IMMT: variants seen among roughly 807,000 people sequenced by gnomAD.
IMMT encodes the protein MICOS complex subunit MIC60.
In IMMT, 40 loss-of-function variants were observed where a neutral mutation model predicts 92.7. That is an observed-to-expected ratio of 0.43 (90% CI 0.34 to 0.56). The LOEUF (loss-of-function observed/expected upper bound fraction) is 0.56. Ranked by LOEUF, IMMT falls within the 20% of genes least tolerant of loss-of-function variation. The pLI is 0.03. For missense variants in IMMT, 831 were observed against 912.1 expected (o/e 0.91, Z 1.14); for synonymous variants, 322 against 336.1 (o/e 0.96, Z 0.46).
At chr2:86,149,706 C>T (rs1028881190) in intron 12 of IMMT, among the ~76,000 whole-genome samples, 3 of 151,908 alleles carry the variant, frequency 2.0e-5, no homozygotes, top group Admixed American at 6.6e-5. Flanking sequence ...GGCAAAACCC[C>T]GTCTCTACTA....
chr2:86,191,248 G>A lies in IMMT; in HGVS notation c.45+4090C>T, dbSNP rs374920939. Among the ~76,000 whole-genome samples the A allele has an allele frequency of 1.3e-4, 20 of 151,830 alleles. No individual in the cohort carries two copies. In the East Asian group the frequency reaches 2.7e-3, roughly 21 times the overall value. On this transcript the variant is annotated intron_variant, in intron 1 of 14. Transcript: ENST00000410111. ...CAGTCCTAGCTACTCAGGAGGCTGA[G>A]GTGGGAGGATGGCTTGAGTCTGGTG...
rs1455588160 is a variant in IMMT, at chr2:86,195,385, CG to C, written c.-4del. On this transcript the variant is annotated 5_prime_UTR_variant, in exon 1 of 15. Transcript: ENST00000410111. ...GATAACTGACAGGCCCGCAGCATCT[CG>C]GTCAAGCGGACGGCGCTGCTGGTGG... 6.5e-6 allele frequency: 10 copies of C among 1,548,560 alleles called. No individual in the cohort carries two copies. The highest frequency in any genetic ancestry group is 1.4e-5 in the African/African-American group (1 of 72,730).
intron 7 of IMMT, among the ~76,000 whole-genome samples, chr2:86,163,851 C>T (rs754682499): frequency 2.7e-5 from 4 of 149,588 alleles, no homozygotes; most frequent in Non-Finnish European, 5.9e-5. Flanking sequence ...CCCAGCTACT[C>T]TGGAGGCTGA....
intron 14 of IMMT, among the ~76,000 whole-genome samples, chr2:86,145,132 A>G (rs1256585562): frequency 1.3e-5 from 2 of 152,132 alleles, no homozygotes; most frequent in Non-Finnish European, 2.9e-5. Context: ...CTAGTTGAGA[A>G]AGAAACATAT....
At chr2:86,148,623 AG>A in intron 12 of IMMT, among the ~76,000 whole-genome samples, 1 of 152,318 alleles carries the variant, frequency 6.6e-6, no homozygotes, top group Middle Eastern at 3.4e-3. Context: ...AAAAGAAAAA[AG>A]AAAAGAAAAT....
At chr2:86,160,246 C>T (rs1676173806) in intron 8 of IMMT, among the ~76,000 whole-genome samples, 1 of 152,212 alleles carries the variant, frequency 6.6e-6, no homozygotes. Flanking sequence ...TCATTTCCTA[C>T]ATGCTTTCGT....
At chr2:86,185,160 A>G (rs1244114967) in intron 1 of IMMT, among the ~76,000 whole-genome samples, 1 of 151,474 alleles carries the variant, frequency 6.6e-6, no homozygotes, top group African/African-American at 2.4e-5. Flanking sequence ...ACAGAGCCAG[A>G]CTCTGTCTTA....
Position 86,194,341 on chromosome 2 carries a change from T to C in IMMT, c.45+997A>G, listed in dbSNP as rs1473311597. On this transcript the variant is annotated intron_variant, in intron 1 of 14. Coordinates refer to ENST00000410111, the MANE Select transcript of IMMT (RefSeq NM_006839.3). The stretch of plus-strand genomic sequence containing the variant: ...TGGGTGTTGTTTTAAGCTGCTAAAT[T>C]TGTGGTATTTGTTACGCAGCAATAG... 2.6e-5 allele frequency among the ~76,000 whole-genome samples: 4 copies of C among 152,218 alleles called. No individual in the cohort carries two copies. In the East Asian group the frequency reaches 7.7e-4, roughly 29 times the overall value.
chr2:86,166,756 A>G, intron 6 of IMMT, 112 bp from the exon 7 acceptor site: 2 of 1,069,120 alleles, frequency 1.9e-6, no homozygotes, highest in Non-Finnish European at 2.6e-6. Context: ...AAATTTAAAA[A>G]GGAACAAAAT....
chr2:86,179,698 T>C (rs1247391921), intron 2 of IMMT, 76 bp from the exon 3 acceptor site: 1 of 1,244,026 alleles, frequency 8.0e-7, no homozygotes, highest in Admixed American at 3.0e-5. Context: ...AATGTAACCA[T>C]CTCGAAGACC....
At chr2:86,161,375 T>C (rs896040252) in intron 8 of IMMT, among the ~76,000 whole-genome samples, 3 of 151,846 alleles carry the variant, frequency 2.0e-5, no homozygotes, top group African/African-American at 7.3e-5. Context: ...TTGGCCAGGA[T>C]GGCTCAAACT....
rs1175762162 is a variant in IMMT at position 86,153,590 on chromosome 2, T to C, written c.1163-16A>G. On this transcript the variant is annotated splice_polypyrimidine_tract_variant and intron_variant, in intron 10 of 14. Transcript: ENST00000410111. ...TCTGAAACACCTACAAAGGAAAAAA[T>C]AGAACAGTTTGAAAAAAAAGAATGC... The C allele has an allele frequency of 1.4e-6, 2 of 1,437,898 alleles. No individual in the cohort carries two copies. The highest frequency in any genetic ancestry group is 2.5e-5 in the Admixed American group (1 of 40,268). 89.1% of individuals were successfully genotyped at this position (1,437,898 alleles called of 1,614,324 possible).
chr2:86,173,279 G>C (rs1677222515), intron 4 of IMMT, among the ~76,000 whole-genome samples: 2 of 152,172 alleles, frequency 1.3e-5, no homozygotes, highest in African/African-American at 4.8e-5. Flanking sequence ...AAAGAAGAGA[G>C]GATAAAGAAT....
chr2:86,148,878 A>G (rs1243609821), intron 12 of IMMT, among the ~76,000 whole-genome samples: 9 of 63,474 alleles, frequency 1.4e-4, no homozygotes, highest in Non-Finnish European at 5.1e-4. Context: ...GTGCATAAGT[A>G]TTTATGAAGT....
At chr2:86,183,578 AAAT>A (rs1672568408) in intron 1 of IMMT, among the ~76,000 whole-genome samples, 2 of 152,310 alleles carry the variant, frequency 1.3e-5, no homozygotes, top group East Asian at 1.9e-4. Context: ...CTGAGGTTTT[AAAT>A]AATAATTTTA....
In IMMT at chr2:86,153,583, G is replaced by GA; in HGVS notation, c.1163-10dup. 6.9e-7 allele frequency: 1 copy of GA among 1,446,248 alleles called. No homozygotes were observed. Among genetic ancestry groups the GA allele is most frequent in the Non-Finnish European group, 9.3e-7 (1 of 1,070,410 alleles). 89.6% of individuals were successfully genotyped at this position (1,446,248 alleles called of 1,614,324 possible). A position where few individuals can be genotyped will look rare whatever the true frequency, so the allele number is the denominator to read the frequency against. The stretch of plus-strand genomic sequence containing the variant: ...ACCTAAGTCTGAAACACCTACAAAG[G>GA]AAAAAATAGAACAGTTTGAAAAAAA... On this transcript the variant is annotated splice_polypyrimidine_tract_variant and intron_variant, in intron 10 of 14. Transcript: ENST00000410111.
Position 86,144,783 on chromosome 2 carries a change from G to T in IMMT, c.1762C>A (p.Pro588Thr), listed in dbSNP as rs749253220. ...ACTGCACTACCCAGCGGGATAGTAG[G>T]TGTTTCTGCAGATGAGGTCTTCATG... Reference protein sequence around the residue: ...YSMKTSSAETPTIPLGSAVEA... With the variant: ...YSMKTSSAETTTIPLGSAVEA... The change falls in exon 15 of 15, where the codon CCT (proline) becomes ACT (threonine). Residue 588 changes from proline (P) to threonine (T), a missense_variant. Physicochemically the swap from Pro to Thr is conservative, Grantham distance 38. Coordinates refer to ENST00000410111, the MANE Select transcript of IMMT (RefSeq NM_006839.3). 6.2e-7 allele frequency: 1 copy of T among 1,613,396 alleles called. No individual in the cohort carries two copies. The highest frequency in any genetic ancestry group is 1.7e-5 in the Admixed American group (1 of 60,030).
chr2:86,144,317 G>A lies in IMMT; in HGVS notation c.2228C>T (p.Ala743Val). Residue 743 changes from alanine to valine, a missense_variant, in exon 15 of 15, where the codon GCA becomes GTA. By Grantham distance (64) the Ala-to-Val change is moderately conservative (BLOSUM62 0). Coordinates refer to ENST00000410111, the MANE Select transcript of IMMT (RefSeq NM_006839.3). Reference protein sequence around the residue: ...ETKQIVEILTAYASAVGIGTT... With the variant: ...ETKQIVEILTVYASAVGIGTT... ...TCCTATTCCTACGGCGCTGGCATATGCTGTCAGGATTTCCACTATCTGTTT... is the reference window on the plus strand; with the variant it reads ...TCCTATTCCTACGGCGCTGGCATATACTGTCAGGATTTCCACTATCTGTTT... 1 of 1,613,948 alleles carries A rather than the reference G, an allele frequency of 6.2e-7. No individual in the cohort carries two copies. The highest frequency in any genetic ancestry group is 8.5e-7 in the Non-Finnish European group (1 of 1,179,888).
Position 86,158,736 on chromosome 2 carries a change from AGGGT to A in IMMT, c.1033-19_1033-16del. On this transcript the variant is annotated splice_polypyrimidine_tract_variant and intron_variant, in intron 9 of 14. Transcript: ENST00000410111. Reference sequence around the variant, plus strand: ...GCTGCTTGGACCTGAGCAAATACACAGGGTATGTGATTAAATTGAACAAAAAATA... The same window carrying A: ...GCTGCTTGGACCTGAGCAAATACACAATGTGATTAAATTGAACAAAAAATA... 2 of 1,579,152 alleles carry A rather than the reference AGGGT, an allele frequency of 1.3e-6. No individual in the cohort carries two copies. Among genetic ancestry groups the A allele is most frequent in the South Asian group, 2.3e-5 (2 of 87,792 alleles).
Sources: gnomAD v4.1 joint callset for allele counts (sites outside exome capture counted in the v4.1 genomes callset) on GRCh38, gnomAD v4.1.1 for gene constraint, MANE v1.5 for transcripts, NCBI Gene and HGNC (gene_info 2026-07-23, HGNC 2026-07-21) for gene names.